Variants in ANK1 observed in about 807,000 individuals in gnomAD.
ANK1 encodes ankyrin-1.
ANK1 carries 51 observed loss-of-function variants against 210.4 expected under a neutral mutation model. That is an observed-to-expected ratio of 0.24 (90% CI 0.19 to 0.31). ANK1 has a LOEUF of 0.31. ANK1 is among the 10% of genes least tolerant of loss of function. ANK1 has a pLI of 1.00. For missense variants in ANK1, 2,051 were observed against 2,504.4 expected (o/e 0.82, Z 3.86); for synonymous variants, 967 against 1,025.9 (o/e 0.94, Z 1.10).
At chr8:41,665,077 G>C in intron 39 of ANK1, 1 of 1,596,728 alleles carries the variant, frequency 6.3e-7, no homozygotes, top group East Asian at 2.3e-5. Flanking sequence ...GGCCACCACG[G>C]GGGGCCTGCC....
chr8:41,736,108 T>C lies in ANK1; in HGVS notation c.130-2039A>G, dbSNP rs138556331. Among the ~76,000 whole-genome samples the C allele has an allele frequency of 6.4e-3, 969 of 152,056 alleles. 11 individuals are homozygous for C. The highest frequency in any genetic ancestry group is 0.022 in the African/African-American group (918 of 41,440). On this transcript the variant is annotated intron_variant, in intron 2 of 42. Transcript: ENST00000289734. ...ATTCTTCTCACCCGGTGTCAATGAG[T>C]TTATTAGAGAAAGCTAGGTCAGAGC...
At chr8:41,699,133 G>A (rs1233806786) in intron 23 of ANK1, among the ~76,000 whole-genome samples, 1 of 152,090 alleles carries the variant, frequency 6.6e-6, no homozygotes, top group East Asian at 1.9e-4. Flanking sequence ...AGTTGAGTGT[G>A]GATAAGAGGG....
At chr8:41,667,356 C>T (rs1810899190) in intron 39 of ANK1, among the ~76,000 whole-genome samples, 1 of 152,172 alleles carries the variant, frequency 6.6e-6, no homozygotes, top group Non-Finnish European at 1.5e-5. Context: ...AGCACCATGC[C>T]TGGATGAGGC....
chr8:41,663,816 A>C, intron 39 of ANK1, 74 bp from the exon 40 acceptor site: 1 of 1,218,270 alleles, frequency 8.2e-7, no homozygotes, highest in Non-Finnish European at 1.2e-6. Context: ...GGACGAGGAA[A>C]TGAAACAGCA....
rs1004520653 is a variant in ANK1 at position 41,741,259 on chromosome 8, C to T, written c.130-7190G>A. On this transcript the variant is annotated intron_variant, in intron 2 of 42. Coordinates refer to ENST00000289734, the MANE Select transcript of ANK1 (RefSeq NM_000037.4). ...GGAGAAGCGGTGAAAGCTTTGTGTC[C>T]GTTCCTCCCTCCACCCCTGCCTGCA... Among the ~76,000 whole-genome samples the T allele has an allele frequency of 2.6e-5, 4 of 152,152 alleles. No homozygotes were observed. In the East Asian group the frequency reaches 5.8e-4, roughly 22 times the overall value.
At chr8:41,831,090 C>A (rs759420617) in intron 1 of ANK1, among the ~76,000 whole-genome samples, 4 of 152,252 alleles carry the variant, frequency 2.6e-5, no homozygotes, top group Non-Finnish European at 5.9e-5. Flanking sequence ...GAAAGCACAG[C>A]GGCCTGGGAG....
intron 1 of ANK1, among the ~76,000 whole-genome samples, chr8:41,841,576 T>A (rs1173618665): frequency 6.6e-6 from 1 of 152,128 alleles, no homozygotes; most frequent in Non-Finnish European, 1.5e-5. Flanking sequence ...CAAAAAACAG[T>A]GGCATACAAG....
intron 23 of ANK1, among the ~76,000 whole-genome samples, chr8:41,698,859 C>T (rs536872659): frequency 2.6e-5 from 4 of 152,030 alleles, no homozygotes; most frequent in Admixed American, 2.0e-4. Flanking sequence ...TGCAGTGGCG[C>T]GATCTTGGCT....
intron 38 of ANK1, among the ~76,000 whole-genome samples, chr8:41,671,921 C>T (rs1401809285): frequency 6.8e-6 from 1 of 146,802 alleles, no homozygotes; most frequent in East Asian, 2.1e-4. Context: ...TAAGTGAGCC[C>T]TCCCAGTGCC....
intron 37 of ANK1, among the ~76,000 whole-genome samples, chr8:41,674,046 C>A (rs1034640457): frequency 2.6e-5 from 4 of 152,286 alleles, no homozygotes; most frequent in Non-Finnish European, 4.4e-5. Context: ...CCCCTACCCC[C>A]ACTCCTACTC....
intron 38 of ANK1, among the ~76,000 whole-genome samples, chr8:41,669,915 G>T (rs1423766899): frequency 6.6e-6 from 1 of 152,030 alleles, no homozygotes; most frequent in Admixed American, 6.5e-5. Flanking sequence ...GCCAGGCACG[G>T]TCTCCTTCAA....
rs756772625 is a variant in ANK1, at chr8:41,758,021, C to A, written c.129+15G>T. On this transcript the variant is annotated intron_variant, in intron 2 of 42. Transcript: ENST00000289734. ...TACTCTTCAGAGACAACAGGCCTGC[C>A]TCCATCCCACTTACCTGGTTACAGG... 6.8e-6 allele frequency: 11 copies of A among 1,609,670 alleles called. No individual in the cohort carries two copies. Among genetic ancestry groups the A allele is most frequent in the Non-Finnish European group, 9.4e-6 (11 of 1,175,972 alleles).
At chr8:41,843,606 G>A (rs890208822) in intron 1 of ANK1, among the ~76,000 whole-genome samples, 1 of 152,168 alleles carries the variant, frequency 6.6e-6, no homozygotes, top group Non-Finnish European at 1.5e-5. Context: ...TTCCTGGAAA[G>A]GCCAAACAGA....
intron 37 of ANK1, among the ~76,000 whole-genome samples, chr8:41,674,073 G>A (rs545947524): frequency 5.3e-5 from 8 of 152,160 alleles, no homozygotes; most frequent in East Asian, 3.9e-4. Flanking sequence ...AACTGCCCCC[G>A]GGCTGTGCTT....
chr8:41,693,461 G>T (rs1819880566), intron 29 of ANK1, among the ~76,000 whole-genome samples: 1 of 91,824 alleles, frequency 1.1e-5, no homozygotes, highest in African/African-American at 4.4e-5. Flanking sequence ...TTTTGAGATG[G>T]CGTTTCATGC....
At chr8:41,761,377 A>G (rs908228540) in intron 1 of ANK1, among the ~76,000 whole-genome samples, 4 of 149,896 alleles carry the variant, frequency 2.7e-5, no homozygotes, top group East Asian at 1.9e-4. Flanking sequence ...GTGTGCACAC[A>G]CACACACACA....
At chr8:41,726,126 C>CT (rs1830646683) in intron 5 of ANK1, among the ~76,000 whole-genome samples, 180 bp from the exon 6 acceptor site, 1 of 152,240 alleles carries the variant, frequency 6.6e-6, no homozygotes, top group African/African-American at 2.4e-5. Context: ...CCCTGAAGCC[C>CT]TTCCTGCCTC....
At position 41,695,307 on chromosome 8, in the gene ANK1, G is replaced by C; in HGVS notation, c.2985C>G (p.His995Gln). 1 of 1,614,008 alleles carries C rather than the reference G, an allele frequency of 6.2e-7. No homozygotes were observed. Among genetic ancestry groups the C allele is most frequent in the Non-Finnish European group, 8.5e-7 (1 of 1,180,016 alleles). Residue 995 changes from histidine to glutamine, a missense_variant, in exon 27 of 43, where the codon CAC becomes CAG. This residue lies in a region of ANK1 where 1,413 missense variants were observed against 1,707.4 expected (regional missense o/e 0.83). Coordinates refer to ENST00000289734, the MANE Select transcript of ANK1 (RefSeq NM_000037.4). The part of the protein sequence containing the change: ...FLSPVIVEIP[H>Q]FASHGRGDRE... ...GGTCTCCACGGCCATGGGAGGCAAA[G>C]TGCGGGATCTCCACGATTACAGGGC...
At chr8:41,805,982 A>AC (rs1452020515) in intron 1 of ANK1, among the ~76,000 whole-genome samples, 1 of 152,242 alleles carries the variant, frequency 6.6e-6, no homozygotes, top group African/African-American at 2.4e-5. Flanking sequence ...AATTTCTTAA[A>AC]GGCTGGTTAC....
Sources: allele counts gnomAD v4.1 joint callset (sites outside exome capture counted in the v4.1 genomes callset), GRCh38; gene constraint gnomAD v4.1.1; regional missense constraint gnomAD v4.1.1; transcripts MANE v1.5; gene names NCBI Gene and HGNC (gene_info 2026-07-23, HGNC 2026-07-21).